RPF1: variants seen among roughly 807,000 people sequenced by gnomAD.
RPF1 encodes ribosome production factor 1 homolog.
Under a neutral mutation model 41.9 loss-of-function variants are expected in RPF1, and 34 were observed. That is an observed-to-expected ratio of 0.81 (90% CI 0.62 to 1.08). The LOEUF (loss-of-function observed/expected upper bound fraction) is 1.08, where lower values mean the gene tolerates loss of function less well. Ranked by LOEUF, RPF1 falls within the 50% of genes least tolerant of loss-of-function variation. The pLI is 0.00. For synonymous variants in RPF1, 140 were observed against 148.9 expected, an observed-to-expected ratio of 0.94 and a Z score of 0.43; for missense variants, 425 against 435.2, an observed-to-expected ratio of 0.98 and a Z score of 0.21.
chr1:84,496,732 G>C (rs930808410), intron 8 of RPF1, among the ~76,000 whole-genome samples: 5 of 152,054 alleles, frequency 3.3e-5, no homozygotes, highest in African/African-American at 2.4e-5. Flanking sequence ...AGCAATTTAG[G>C]GGGTGGGACC....
rs147089549 is a variant in RPF1, at chr1:84,484,158, G to T, written c.366+1163G>T. Among the ~76,000 whole-genome samples the T allele has an allele frequency of 2.0e-4, 30 of 152,264 alleles. 1 individual carries two copies. Among genetic ancestry groups the T allele is most frequent in the African/African-American group, 6.7e-4 (28 of 41,542 alleles). On this transcript the variant is annotated intron_variant, in intron 3 of 8. Coordinates refer to ENST00000370654, the MANE Select transcript of RPF1 (RefSeq NM_025065.7). ...GGGTTTGCAATTTTATGTAAGTAAG[G>T]TGTTTGTGTGTGTATGCATTTTAAT... is the stretch of plus-strand genomic sequence containing the variant.
In RPF1 at chr1:84,496,260, GA is replaced by G; in HGVS notation, c.902del (p.Lys301ArgfsTer14). On this transcript the variant is annotated frameshift_variant, in exon 8 of 9. Transcript: ENST00000370654. LOFTEE classifies it high-confidence loss of function. ...FRFHRYIFRS[E>X]KKVGIQELGP... ...TCTTTGAAGATACATATTCAGGAGT[GA>G]AAAGAAAGTGGGAATTCAGGAACTT... The G allele has an allele frequency of 6.2e-7, 1 of 1,613,360 alleles. No homozygotes were observed. The highest frequency in any genetic ancestry group is 8.5e-7 in the Non-Finnish European group (1 of 1,179,498).
chr1:84,496,084 G>T (rs1409089721), intron 7 of RPF1, 21 bp downstream of exon 7: 1 of 1,557,098 alleles, frequency 6.4e-7, no homozygotes, highest in African/African-American at 1.4e-5. Flanking sequence ...TAAACTCATT[G>T]AACTTTGATT....
chr1:84,488,294 C>T (rs1267340046), intron 3 of RPF1, among the ~76,000 whole-genome samples: 1 of 152,032 alleles, frequency 6.6e-6, no homozygotes, highest in Non-Finnish European at 1.5e-5. Flanking sequence ...TTTCGTAATT[C>T]TCTTCATGGA....
rs75737395 is a variant in RPF1 at position 84,489,794 on chromosome 1, C to T, written c.462+66C>T. 80 of 926,218 alleles carry T rather than the reference C, an allele frequency of 8.6e-5. No individual in the cohort carries two copies. In the East Asian group the frequency reaches 1.8e-3, roughly 21 times the overall value. 57.4% of individuals were successfully genotyped at this position (926,218 alleles called of 1,614,324 possible). On this transcript the variant is annotated intron_variant, in intron 4 of 8. Transcript: ENST00000370654. The stretch of plus-strand genomic sequence containing the variant: ...TCTTATTACTTCTATTTAAAGTACT[C>T]TGTTCAGAAGAGTTAAACCATTAGT...
intron 3 of RPF1, among the ~76,000 whole-genome samples, chr1:84,488,283 A>G (rs1681770124): frequency 6.6e-6 from 1 of 152,092 alleles, no homozygotes. Context: ...TATTTCATGT[A>G]TTTCGTAATT....
intron 7 of RPF1, 35 bp from the exon 8 acceptor site, chr1:84,496,209 C>A: frequency 6.3e-7 from 1 of 1,585,356 alleles, no homozygotes; most frequent in South Asian, 1.1e-5. Context: ...AACAATAGCT[C>A]ATTCAGACTA....
At chr1:84,489,063 C>T (rs1681786032) in intron 3 of RPF1, among the ~76,000 whole-genome samples, 2 of 151,834 alleles carry the variant, frequency 1.3e-5, no homozygotes, top group Admixed American at 1.3e-4. Context: ...TTTATATCTC[C>T]TTTTATCTTT....
In RPF1 at chr1:84,497,587, C is replaced by T. The variant is rs556438062; in HGVS notation, c.*117C>T. ...ATTTGCTGATTTCATAAACCTTTCA[C>T]GTCTGGACGAATTACCAAATGCCAT... On this transcript the variant is annotated 3_prime_UTR_variant, in exon 9 of 9. Coordinates refer to ENST00000370654, the MANE Select transcript of RPF1 (RefSeq NM_025065.7). The T allele has an allele frequency of 3.8e-4, 241 of 630,896 alleles. 1 individual carries two copies. Among genetic ancestry groups the T allele is most frequent in the Non-Finnish European group, 5.0e-4 (192 of 385,606 alleles). The allele number at this position is 630,896 out of a possible 1,614,324, so 39.1% of individuals were successfully genotyped here. A position where few individuals can be genotyped will look rare whatever the true frequency, so the allele number is the denominator to read the frequency against.
At position 84,479,415 on chromosome 1, in the gene RPF1, C is replaced by G. The variant is rs775814802; in HGVS notation, c.134C>G (p.Ala45Gly). Residue 45 changes from alanine (A) to glycine (G), a missense_variant, in exon 1 of 9, where the codon GCG (alanine) becomes GGG (glycine). Ala to Gly is a moderately conservative substitution (Grantham distance 60, BLOSUM62 0). Coordinates refer to ENST00000370654, the MANE Select transcript of RPF1 (RefSeq NM_025065.7). ...GAAAACGGGGTCCAACCCCCGAAAG[C>G]GGCTGCCTTTCCGCCAGGCTTTAGC... ...ATENGVQPPK[A>G]AAFPPGFSIS... 4 of 1,614,228 alleles carry G rather than the reference C, an allele frequency of 2.5e-6. No individual in the cohort carries two copies. The Admixed American group carries it at 6.7e-5, about 27-fold the overall frequency.
At chr1:84,483,913 T>G (rs551257540) in intron 3 of RPF1, among the ~76,000 whole-genome samples, 1 of 152,320 alleles carries the variant, frequency 6.6e-6, no homozygotes, top group East Asian at 1.9e-4. Flanking sequence ...GCCTGCATCG[T>G]ATTGGGATCT....
intron 8 of RPF1, 105 bp downstream of exon 8, chr1:84,496,475 AC>A: frequency 1.0e-6 from 1 of 970,314 alleles, no homozygotes; most frequent in Non-Finnish European, 1.5e-6. Flanking sequence ...TGGGCTTAAT[AC>A]CTAGGTGATG....
In RPF1 at chr1:84,490,485, T is replaced by C; in HGVS notation, c.616+13T>C. ...CGTAAAACCCCAAGTATCCTTTTTT[T>C]TTTTAAGGAGGTTTTCCTGTCCTCT... On this transcript the variant is annotated intron_variant, in intron 5 of 8. Transcript: ENST00000370654. 6.4e-7 allele frequency: 1 copy of C among 1,561,810 alleles called. No homozygotes were observed. Among genetic ancestry groups the C allele is most frequent in the Non-Finnish European group, 8.6e-7 (1 of 1,157,682 alleles).
intron 3 of RPF1, 113 bp from the exon 4 acceptor site, chr1:84,489,520 G>C (rs1681794155): frequency 1.5e-6 from 1 of 656,646 alleles, no homozygotes; most frequent in Non-Finnish European, 2.8e-6. Flanking sequence ...TGTCTTTAAA[G>C]CCCCTATCAG....
intron 3 of RPF1, among the ~76,000 whole-genome samples, chr1:84,485,836 A>G (rs575469120): frequency 1.3e-5 from 2 of 152,316 alleles, no homozygotes; most frequent in East Asian, 1.9e-4. Context: ...TAAGTGAGAA[A>G]TTGTATATCA....
At chr1:84,489,257 A>G (rs1366456849) in intron 3 of RPF1, among the ~76,000 whole-genome samples, 2 of 151,760 alleles carry the variant, frequency 1.3e-5, no homozygotes, top group Non-Finnish European at 2.9e-5. Context: ...TCAATGGAAG[A>G]TTTGTCTTCT....
rs574991254 is a variant in RPF1, at chr1:84,489,105, C to G, written c.367-528C>G. Among the ~76,000 whole-genome samples, 76 of 152,056 alleles carry G rather than the reference C, an allele frequency of 5.0e-4. 1 individual carries two copies. The highest frequency in any genetic ancestry group is 1.8e-3 in the African/African-American group (76 of 41,494). On this transcript the variant is annotated intron_variant, in intron 3 of 8. Coordinates refer to ENST00000370654, the MANE Select transcript of RPF1 (RefSeq NM_025065.7). ...TTCTTCTGCTTCCTTTGAGTTTATTCTGTATTTATTGATTTGCTCAATATA... is the reference window on the plus strand; with the variant it reads ...TTCTTCTGCTTCCTTTGAGTTTATTGTGTATTTATTGATTTGCTCAATATA...
intron 1 of RPF1, 22 bp from the exon 2 acceptor site, chr1:84,480,932 TTC>T (rs765666275): frequency 3.8e-6 from 5 of 1,322,146 alleles, no homozygotes; most frequent in East Asian, 4.6e-5. Context: ...CTCAGTATTG[TTC>T]TCTTTTTTTT....
chr1:84,490,392 C>T lies in RPF1; in HGVS notation c.536C>T (p.Ala179Val), dbSNP rs1220127998. The change falls in exon 5 of 9, where the codon GCT (alanine) becomes GTT (valine). Residue 179 changes from alanine to valine, a missense_variant. Transcript: ENST00000370654. ...NSHVYYRRGL[A>V]LKKIIPQCIA... The stretch of plus-strand genomic sequence containing the variant: ...CATGTTTATTACAGAAGAGGACTGG[C>T]TCTGAAAAAAATTATTCCACAGTGC... The T allele has an allele frequency of 6.8e-6, 11 of 1,611,716 alleles. No individual in the cohort carries two copies. The highest frequency in any genetic ancestry group is 2.7e-5 in the African/African-American group (2 of 74,728).
Sources: gnomAD v4.1 joint callset for allele counts (sites outside exome capture counted in the v4.1 genomes callset) on GRCh38, gnomAD v4.1.1 for gene constraint, MANE v1.5 for transcripts, NCBI Gene and HGNC (gene_info 2026-07-23, HGNC 2026-07-21) for gene names.